Variants in KCNT1 observed in about 807,000 individuals in gnomAD.
KCNT1 encodes potassium sodium-activated channel subfamily T member 1, also known as potassium channel subfamily T member 1.
A neutral mutation model predicts 147.8 loss-of-function variants in KCNT1; 78 were observed. The ratio of observed to expected loss-of-function variants is 0.53; its 90% CI spans 0.44 to 0.64. The LOEUF is 0.64. Ranked by LOEUF, KCNT1 falls within the 30% of genes least tolerant of loss-of-function variation. KCNT1 has a pLI of 0.00. For missense variants in KCNT1, 1,419 were observed against 1,750.3 expected, an observed-to-expected ratio of 0.81 and a Z score of 3.38; for synonymous variants, 867 against 748.8, an observed-to-expected ratio of 1.16 and a Z score of -2.58.
intron 2 of KCNT1, among the ~76,000 whole-genome samples, chr9:135,731,983 TATATATATAGAGAGAGAGAGAGAGAG>T (rs1311271320): frequency 4.0e-5 from 1 of 24,906 alleles, no homozygotes; most frequent in Non-Finnish European, 7.5e-5. Context: ...TATATATATA[TATATATATAGAGAGAGAGAGAGAGAG>T]AGAGAGAGAG....
chr9:135,718,231 T>C (rs1218542115), intron 2 of KCNT1, among the ~76,000 whole-genome samples: 1 of 152,200 alleles, frequency 6.6e-6, no homozygotes, highest in Non-Finnish European at 1.5e-5. Flanking sequence ...CTGCCTGGCC[T>C]GGTGGGACCC....
chr9:135,774,154 G>GGTGTGTGTGGTATGTGTCC (rs1832951609), intron 19 of KCNT1, among the ~76,000 whole-genome samples: 1 of 150,984 alleles, frequency 6.6e-6, no homozygotes, highest in African/African-American at 2.4e-5. Context: ...TGTGTGTCTG[G>GGTGTGTGTGGTATGTGTCC]GTGTGTGTGG....
intron 1 of KCNT1, among the ~76,000 whole-genome samples, chr9:135,704,588 C>T (rs1835172607): frequency 1.3e-5 from 2 of 152,166 alleles, no homozygotes; most frequent in Admixed American, 6.5e-5. Flanking sequence ...CCCTGGTGGC[C>T]CCAGAGCTGG....
At chr9:135,712,473 C>T (rs1030781474) in intron 1 of KCNT1, among the ~76,000 whole-genome samples, 4 of 152,060 alleles carry the variant, frequency 2.6e-5, no homozygotes, top group Non-Finnish European at 5.9e-5. Flanking sequence ...CCAGGGTCCC[C>T]GTGTCTGGCT....
Position 135,786,271 on chromosome 9 carries a change from C to T in KCNT1, c.3252C>T (p.Gly1084=), listed in dbSNP as rs948170691. The T allele has an allele frequency of 7.5e-6, 12 of 1,609,920 alleles. No individual in the cohort carries two copies. The African/African-American group carries it at 1.3e-4, about 18-fold the overall frequency. ...EVKGPWGSRA[G]TGGSSQGRHT... is the part of the protein sequence containing the mutation. ...AGGGGCCCTGGGGCTCCCGCGCTGG[C>T]ACCGGAGGCAGCTCCCAGGGCCGCC... is the stretch of plus-strand genomic sequence containing the variant. The change falls in exon 29 of 31, where the codon GGC becomes GGT. Residue 1084 remains glycine, a synonymous_variant. Coordinates refer to ENST00000371757, the MANE Select transcript of KCNT1 (RefSeq NM_020822.3).
intron 29 of KCNT1, 180 bp from the exon 30 acceptor site, chr9:135,791,617 G>C: frequency 5.0e-6 from 3 of 601,292 alleles, no homozygotes; most frequent in Middle Eastern, 4.4e-4. Context: ...GTGGAGATGG[G>C]ACAGGTGTCG....
chr9:135,769,593 CATGCCGG>C (rs1321482694), intron 15 of KCNT1, among the ~76,000 whole-genome samples: 1 of 152,164 alleles, frequency 6.6e-6, no homozygotes, highest in Non-Finnish European at 1.5e-5. Context: ...GGGCAGGGAC[CATGCCGG>C]GTGCCCGGGG....
chr9:135,754,004 A>C lies in KCNT1; in HGVS notation c.491+11A>C. ...CTCCGAGATCAACTGGTGAGTCCAC[A>C]CTCCAGCTCCCAATAGCCAGGCGCT... On this transcript the variant is annotated intron_variant, in intron 5 of 30. Transcript: ENST00000371757. The C allele has an allele frequency of 6.2e-7, 1 of 1,612,932 alleles. No homozygotes were observed.
chr9:135,768,473 G>A (rs565554218), intron 13 of KCNT1, 137 bp from the exon 14 acceptor site: 122 of 616,706 alleles, frequency 2.0e-4, no homozygotes, highest in East Asian at 1.7e-3. Flanking sequence ...CCATCCAGCC[G>A]TCCTCTCAGT....
chr9:135,705,094 G>C (rs1835198456), intron 1 of KCNT1, among the ~76,000 whole-genome samples: 1 of 152,236 alleles, frequency 6.6e-6, no homozygotes, highest in African/African-American at 2.4e-5. Flanking sequence ...ACCGTATGGG[G>C]AGCTCTTGAT....
chr9:135,735,622 G>A (rs902211968), intron 2 of KCNT1, among the ~76,000 whole-genome samples: 2 of 152,122 alleles, frequency 1.3e-5, no homozygotes, highest in Non-Finnish European at 2.9e-5. Flanking sequence ...ACTCCCTGGA[G>A]TTGGTGCTGT....
chr9:135,704,826 G>A (rs116469429), intron 1 of KCNT1, among the ~76,000 whole-genome samples: 250 of 152,346 alleles, frequency 1.6e-3, no homozygotes, highest in African/African-American at 5.9e-3. Flanking sequence ...AAGTAGCTCA[G>A]GGCTCATGGG....
rs751149880 is a variant in KCNT1, at chr9:135,772,725, C to T, written c.2019C>T (p.Ala673=). 1 of 1,404,984 alleles carries T rather than the reference C, an allele frequency of 7.1e-7. No individual in the cohort carries two copies. Among genetic ancestry groups the T allele is most frequent in the Non-Finnish European group, 9.3e-7 (1 of 1,076,260 alleles). The allele number at this position is 1,404,984 out of a possible 1,614,324, so 87.0% of individuals were successfully genotyped here. The change falls in exon 19 of 31, where the codon GCC becomes GCT. Residue 673 remains alanine (A), a synonymous_variant. Coordinates refer to ENST00000371757, the MANE Select transcript of KCNT1 (RefSeq NM_020822.3). ...HSIIASMGTV[A]MDLQGTEHRP... ...AGGGCTCTCTTCCAGGGACAGTGGC[C>T]ATGGACCTGCAGGGCACAGAGCACC...
chr9:135,713,531 T>C (rs1835590119), intron 1 of KCNT1, among the ~76,000 whole-genome samples: 1 of 152,186 alleles, frequency 6.6e-6, no homozygotes, highest in Non-Finnish European at 1.5e-5. Context: ...GAGAGTTTTG[T>C]AGCATCCCTG....
chr9:135,719,472 C>T (rs894793143), intron 2 of KCNT1, among the ~76,000 whole-genome samples: 20 of 152,120 alleles, frequency 1.3e-4, no homozygotes, highest in Admixed American at 1.2e-3. Context: ...TTGGGGCTGT[C>T]ACACCACAGG....
chr9:135,777,584 G>A, intron 21 of KCNT1, 74 bp downstream of exon 21: 1 of 1,451,556 alleles, frequency 6.9e-7, no homozygotes, highest in Non-Finnish European at 9.4e-7. Flanking sequence ...TCCCCAACTG[G>A]GCCCACCCTT....
At chr9:135,741,995 C>T (rs952543398) in intron 2 of KCNT1, among the ~76,000 whole-genome samples, 7 of 152,168 alleles carry the variant, frequency 4.6e-5, no homozygotes, top group Non-Finnish European at 1.0e-4. Context: ...CTCCGAGTTC[C>T]GAATCCAGTG....
intron 10 of KCNT1, among the ~76,000 whole-genome samples, chr9:135,759,249 G>A (rs78482446): frequency 0.071 from 10,748 of 152,238 alleles, 600 homozygotes; most frequent in East Asian, 0.26. Context: ...AGTGTGGTGG[G>A]TAAAGGGGCA....
intron 1 of KCNT1, among the ~76,000 whole-genome samples, chr9:135,710,320 G>C (rs1564311517): frequency 6.6e-6 from 1 of 152,174 alleles, no homozygotes; most frequent in Non-Finnish European, 1.5e-5. Flanking sequence ...GCATAGCATA[G>C]GCTGGAGCCA....
Sources: gnomAD v4.1 joint callset for allele counts (sites outside exome capture counted in the v4.1 genomes callset) on GRCh38, gnomAD v4.1.1 for gene constraint, MANE v1.5 for transcripts, NCBI Gene and HGNC (gene_info 2026-07-23, HGNC 2026-07-21) for gene names.